HECW1: variants seen among roughly 807,000 people sequenced by gnomAD.
HECW1 encodes E3 ubiquitin-protein ligase HECW1.
HECW1 carries 61 observed loss-of-function variants against 182.3 expected under a neutral mutation model. That is an observed-to-expected ratio of 0.33 (90% confidence interval 0.27 to 0.41). The LOEUF (loss-of-function observed/expected upper bound fraction) is 0.41. Among genes scored for constraint, HECW1 ranks in the 10% least tolerant of loss-of-function variants. HECW1 has a pLI of 1.00. For missense variants in HECW1, 1,739 were observed against 2,108.9 expected, an observed-to-expected ratio of 0.82 and a Z score of 3.44; for synonymous variants, 859 against 832.6, an observed-to-expected ratio of 1.03 and a Z score of -0.55.
rs1039387268 is a variant in HECW1, at chr7:43,243,639, T to C, written c.-31-236T>C. Among the ~76,000 whole-genome samples the C allele has an allele frequency of 3.3e-5, 5 of 152,180 alleles. No individual in the cohort carries two copies. Among genetic ancestry groups the C allele is most frequent in the Non-Finnish European group, 5.9e-5 (4 of 68,028 alleles). Reference sequence around the variant, plus strand: ...AGGCTCATGAGTCTCATTCCTTAAATTAAAATTTAAAATCAAATCAAATTA... The same window carrying C: ...AGGCTCATGAGTCTCATTCCTTAAACTAAAATTTAAAATCAAATCAAATTA... On this transcript the variant is annotated intron_variant, in intron 2 of 29. Coordinates refer to ENST00000395891, the MANE Select transcript of HECW1 (RefSeq NM_015052.5). The surrounding 1 kb of genome is among the most constrained non-coding windows in gnomAD (Gnocchi z 4.0).
chr7:43,394,703 G>C (rs2075165072), intron 6 of HECW1, among the ~76,000 whole-genome samples: 1 of 152,176 alleles, frequency 6.6e-6, no homozygotes, highest in African/African-American at 2.4e-5. Context: ...ATTCCAATGA[G>C]ACTGTAACTG....
chr7:43,546,727 A>G (rs1004734234), intron 26 of HECW1, among the ~76,000 whole-genome samples: 8 of 152,188 alleles, frequency 5.3e-5, no homozygotes, highest in African/African-American at 1.9e-4. Context: ...GGTTCTCATT[A>G]TCCAGGCTTT....
chr7:43,466,538 C>T lies in HECW1; in HGVS notation c.2883C>T (p.Pro961=), dbSNP rs149605998. ...QSPAVKFITN[P]EFFTVLHANY... is the part of the protein sequence containing the mutation. ...CAGCGGTCAAGTTCATCACCAACCC[C>T]GAGTTCTTCACTGTGCTACATGCCA... The change falls in exon 15 of 30, where the codon CCC becomes CCT. Residue 961 remains proline, a synonymous_variant. Coordinates refer to ENST00000395891, the MANE Select transcript of HECW1 (RefSeq NM_015052.5). 7.4e-6 allele frequency: 12 copies of T among 1,613,836 alleles called. No individual in the cohort carries two copies. The South Asian group carries it at 7.7e-5, about 10-fold the overall frequency.
chr7:43,119,296 G>A (rs908292365), intron 2 of HECW1: 1 of 152,472 alleles, frequency 6.6e-6, no homozygotes, highest in East Asian at 1.9e-4. Context: ...GCTGATCTGA[G>A]CAGCATTTCC....
At chr7:43,250,626 C>T (rs1272168971) in intron 3 of HECW1, among the ~76,000 whole-genome samples, 1 of 152,122 alleles carries the variant, frequency 6.6e-6, no homozygotes, top group Admixed American at 6.5e-5. Flanking sequence ...CTTGTACTTC[C>T]GCCTCTGGGT....
rs529919345 is a variant in HECW1, at chr7:43,236,314, C to A, written c.-31-7561C>A. ...AAAATTATTAAGTGATTTGGGAAAC[C>A]ATTCATGGGGGGGAAAAGCTCAAAT... On this transcript the variant is annotated intron_variant, in intron 2 of 29. Coordinates refer to ENST00000395891, the MANE Select transcript of HECW1 (RefSeq NM_015052.5). Among the ~76,000 whole-genome samples, 84 of 152,028 alleles carry A rather than the reference C, an allele frequency of 5.5e-4. No homozygotes were observed. The East Asian group carries it at 0.014, about 26-fold the overall frequency.
intron 2 of HECW1, among the ~76,000 whole-genome samples, chr7:43,165,519 T>C (rs1791020660): frequency 6.6e-6 from 1 of 152,182 alleles, no homozygotes; most frequent in Non-Finnish European, 1.5e-5. Context: ...TGTAAGATGC[T>C]TACTCTGTGG....
At chr7:43,198,685 C>T (rs1451778976) in intron 2 of HECW1, among the ~76,000 whole-genome samples, 1 of 151,410 alleles carries the variant, frequency 6.6e-6, no homozygotes. Context: ...ACACACACCA[C>T]ACACACCATA....
chr7:43,192,206 G>A (rs573530989), intron 2 of HECW1, among the ~76,000 whole-genome samples: 2 of 152,104 alleles, frequency 1.3e-5, no homozygotes, highest in Non-Finnish European at 2.9e-5. Context: ...TGATCCACCC[G>A]CCTTGGCTTC....
chr7:43,127,560 C>T (rs1786413528), intron 2 of HECW1, among the ~76,000 whole-genome samples: 1 of 141,514 alleles, frequency 7.1e-6, no homozygotes, highest in Non-Finnish European at 1.5e-5. Context: ...AAACAAACAG[C>T]CTTCTTGCTG....
chr7:43,542,797 T>C (rs918244907), intron 26 of HECW1, among the ~76,000 whole-genome samples: 1 of 152,246 alleles, frequency 6.6e-6, no homozygotes, highest in Non-Finnish European at 1.5e-5. Context: ...ACCAATTCCT[T>C]GGGAACTACT....
chr7:43,415,157 C>T (rs1218295562), intron 8 of HECW1, among the ~76,000 whole-genome samples: 5 of 150,786 alleles, frequency 3.3e-5, no homozygotes, highest in East Asian at 1.9e-4. Context: ...GATTTTGCAG[C>T]GGCTGGTACC....
chr7:43,232,381 CAGA>C (rs1385539291), intron 2 of HECW1, among the ~76,000 whole-genome samples: 1 of 152,198 alleles, frequency 6.6e-6, no homozygotes, highest in Non-Finnish European at 1.5e-5. Flanking sequence ...GAATTTAATT[CAGA>C]AGAAGAGTAG....
chr7:43,265,634 TCCAGTTCCCTGAGA>T lies in HECW1; in HGVS notation c.27+21706_27+21719del, dbSNP rs141313729. Among the ~76,000 whole-genome samples the T allele has an allele frequency of 1.9e-3, 291 of 152,272 alleles. 1 individual carries two copies. The highest frequency in any genetic ancestry group is 6.9e-3 in the African/African-American group (286 of 41,550). ...AACATCTGGTCTTCCACACTAATTC[TCCAGTTCCCTGAGA>T]CCAACTGGGTATCCAACAATTCAAA... is the stretch of plus-strand genomic sequence containing the variant. On this transcript the variant is annotated intron_variant, in intron 3 of 29. Transcript: ENST00000395891.
intron 2 of HECW1, among the ~76,000 whole-genome samples, chr7:43,121,355 A>G (rs1785589603): frequency 6.6e-6 from 1 of 152,140 alleles, no homozygotes; most frequent in South Asian, 2.1e-4. Context: ...CTGTGTTCAA[A>G]GCTCTCAGGA....
rs188776604 is a variant in HECW1, at chr7:43,376,296, C to T, written c.555+15316C>T. On this transcript the variant is annotated intron_variant, in intron 6 of 29. Coordinates refer to ENST00000395891, the MANE Select transcript of HECW1 (RefSeq NM_015052.5). ...ATGTCACCGTAATAATCTCACCACC[C>T]AACGAGCCTCAGGAACCTGCAGAAA... Among the ~76,000 whole-genome samples the T allele has an allele frequency of 3.5e-4, 53 of 152,150 alleles. No homozygotes were observed. The Middle Eastern group carries it at 0.014, about 39-fold the overall frequency.
At chr7:43,538,228 A>G (rs1365267918) in intron 24 of HECW1, among the ~76,000 whole-genome samples, 1 of 152,152 alleles carries the variant, frequency 6.6e-6, no homozygotes, top group Non-Finnish European at 1.5e-5. Flanking sequence ...AGAGAGGAGA[A>G]ATGAGCTTAG....
rs2152907023 is a variant in HECW1, at chr7:43,479,730, T to C, written c.3220T>C (p.Tyr1074His). Reference protein sequence around the residue: ...HRQHLQRLRSYSAGEASEVSR... With the variant: ...HRQHLQRLRSHSAGEASEVSR... ...ACAGCACCTCCAGAGGCTCCGAAGT[T>C]ACAGCGCTGGAGAGGTAACCCTCCC... Residue 1074 changes from tyrosine to histidine, a missense_variant, in exon 17 of 30, where the codon TAC becomes CAC. Physicochemically the swap from Tyr to His is moderately conservative, Grantham distance 83 (BLOSUM62 2). Transcript: ENST00000395891. The C allele has an allele frequency of 5.6e-6, 9 of 1,613,886 alleles. No homozygotes were observed. The highest frequency in any genetic ancestry group is 6.8e-6 in the Non-Finnish European group (8 of 1,179,950).
chr7:43,167,213 C>G (rs1404048400), intron 2 of HECW1, among the ~76,000 whole-genome samples: 1 of 152,164 alleles, frequency 6.6e-6, no homozygotes, highest in African/African-American at 2.4e-5. Flanking sequence ...CCTCTTCCAG[C>G]TCCTGGTGGT....
Sources: gnomAD v4.1 joint callset for allele counts (sites outside exome capture counted in the v4.1 genomes callset) on GRCh38, gnomAD v4.1.1 for gene constraint, Gnocchi (gnomAD v3.1) non-coding constraint, MANE v1.5 for transcripts, NCBI Gene and HGNC (gene_info 2026-07-23, HGNC 2026-07-21) for gene names.